The following PXT1 variants were observed in gnomAD, a reference collection of about 807,000 sequenced individuals.
The protein encoded by PXT1 is peroxisomal testis enriched protein 1.
PXT1 carries 11 observed loss-of-function variants against 11.0 expected under a neutral mutation model. The ratio of observed to expected loss-of-function variants is 1.00; its 90% CI spans 0.63 to 1.66. The LOEUF is 1.66. Ranked by LOEUF, PXT1 falls within the 40% of genes most tolerant of loss-of-function variation. The pLI, the probability that PXT1 is intolerant of heterozygous loss-of-function variation, is 0.00. For synonymous variants in PXT1, 43 were observed against 51.4 expected (o/e 0.84, Z 0.70); for missense variants, 141 against 155.5 (o/e 0.91, Z 0.49).
intron 3 of PXT1, among the ~76,000 whole-genome samples, chr6:36,415,895 C>T (rs561890291): frequency 2.0e-5 from 3 of 152,146 alleles, no homozygotes; most frequent in African/African-American, 7.2e-5. Context: ...AGATATGATG[C>T]TCATTTAAGG....
chr6:36,433,716 T>C, intron 2 of PXT1, among the ~76,000 whole-genome samples: 1 of 150,018 alleles, frequency 6.7e-6, no homozygotes, highest in East Asian at 2.0e-4. Flanking sequence ...TCTCAGCTTC[T>C]CGGGAGGCTG....
chr6:36,402,009 G>C (rs4713971), intron 3 of PXT1, among the ~76,000 whole-genome samples: 121,118 of 150,516 alleles, frequency 0.8, 48,974 homozygotes, highest in African/African-American at 0.86. Flanking sequence ...CAGGGTCTTT[G>C]TTTGTTTCCC....
chr6:36,424,377 C>T (rs1295574561), intron 3 of PXT1, among the ~76,000 whole-genome samples: 1 of 152,230 alleles, frequency 6.6e-6, no homozygotes, highest in Non-Finnish European at 1.5e-5. Context: ...CGCGGTGGCT[C>T]ACGCCTGTAA....
chr6:36,439,796 C>T (rs548318918), intron 1 of PXT1, among the ~76,000 whole-genome samples: 1 of 152,242 alleles, frequency 6.6e-6, no homozygotes, highest in African/African-American at 2.4e-5. Flanking sequence ...ACAGGAATAA[C>T]AAGAGATAAA....
At chr6:36,403,607 C>T (rs907798984) in intron 3 of PXT1, among the ~76,000 whole-genome samples, 2 of 152,176 alleles carry the variant, frequency 1.3e-5, no homozygotes, top group Non-Finnish European at 2.9e-5. Context: ...GGCATGATGG[C>T]TCACACCTGT....
intron 3 of PXT1, among the ~76,000 whole-genome samples, chr6:36,404,142 C>T (rs1774254090): frequency 6.6e-6 from 1 of 151,998 alleles, no homozygotes; most frequent in East Asian, 1.9e-4. Flanking sequence ...AAAAAGGGAA[C>T]CAGGAAAATG....
At chr6:36,419,078 A>G (rs1378348899) in intron 3 of PXT1, among the ~76,000 whole-genome samples, 7 of 152,198 alleles carry the variant, frequency 4.6e-5, no homozygotes, top group Non-Finnish European at 1.5e-5. Context: ...TGAGATCCTC[A>G]CTTCAAACCA....
At chr6:36,400,083 T>A (rs1014384849) in intron 4 of PXT1, among the ~76,000 whole-genome samples, 1 of 152,222 alleles carries the variant, frequency 6.6e-6, no homozygotes, top group Non-Finnish European at 1.5e-5. Flanking sequence ...GCATCCAGTT[T>A]TGAGGGTGTG....
At chr6:36,405,158 G>C (rs1774270597) in intron 3 of PXT1, among the ~76,000 whole-genome samples, 1 of 152,006 alleles carries the variant, frequency 6.6e-6, no homozygotes, top group Non-Finnish European at 1.5e-5. Flanking sequence ...TAATATATGT[G>C]TTTGTGTCTC....
chr6:36,417,054 ATAACT>A (rs1774458972), intron 3 of PXT1, among the ~76,000 whole-genome samples: 1 of 152,222 alleles, frequency 6.6e-6, no homozygotes, highest in Non-Finnish European at 1.5e-5. Flanking sequence ...AAGTATTAAA[ATAACT>A]TAACGGCCGG....
intron 3 of PXT1, among the ~76,000 whole-genome samples, chr6:36,409,824 T>TGGAA (rs201849950): frequency 0.27 from 26,386 of 97,400 alleles, 3,822 homozygotes; most frequent in Admixed American, 0.39. Flanking sequence ...AGACCCTGTC[T>TGGAA]GGAAGGAAGG....
chr6:36,424,379 C>T lies in PXT1; in HGVS notation c.169+1535G>A, dbSNP rs371052076. Reference sequence around the variant, plus strand: ...GATTCAGGCGGAGCGCGGTGGCTCACGCCTGTAATCCCAGCACTTTGGGAG... The same window carrying T: ...GATTCAGGCGGAGCGCGGTGGCTCATGCCTGTAATCCCAGCACTTTGGGAG... On this transcript the variant is annotated intron_variant, in intron 3 of 4. Transcript: ENST00000454782. 2.6e-3 allele frequency among the ~76,000 whole-genome samples: 399 copies of T among 152,342 alleles called. 1 individual carries two copies. Among genetic ancestry groups the T allele is most frequent in the Non-Finnish European group, 4.2e-3 (285 of 68,034 alleles).
chr6:36,425,806 AT>A (rs1316312399), intron 3 of PXT1, 107 bp downstream of exon 3: 275 of 284,154 alleles, frequency 9.7e-4, no homozygotes, highest in African/African-American at 1.4e-3. Flanking sequence ...AAAACAAAAA[AT>A]ATATATATAT....
Position 36,439,902 on chromosome 6 carries a change from A to AC in PXT1, c.-129-1017dup, listed in dbSNP as rs1774830578. Among the ~76,000 whole-genome samples, 13 of 152,274 alleles carry AC rather than the reference A, an allele frequency of 8.5e-5. No homozygotes were observed. In the South Asian group the frequency reaches 2.7e-3, roughly 32 times the overall value. On this transcript the variant is annotated intron_variant, in intron 1 of 4. Transcript: ENST00000454782. ...TCCTGACTCCCCACAGGATTCTGAG[A>AC]CCAGCCTGGGCAATATAGTGAGACT... is the stretch of plus-strand genomic sequence containing the variant.
intron 3 of PXT1, among the ~76,000 whole-genome samples, chr6:36,403,210 G>A (rs1237834405): frequency 1.3e-5 from 2 of 152,196 alleles, no homozygotes; most frequent in African/African-American, 4.8e-5. Flanking sequence ...CAAGTTTGAG[G>A]ATTGATGGTT....
chr6:36,428,416 G>GAAAAAAAAAAACA (rs58930146), intron 2 of PXT1, among the ~76,000 whole-genome samples: 1 of 136,714 alleles, frequency 7.3e-6, no homozygotes. Context: ...GAGCGAGACT[G>GAAAAAAAAAAACA]AAAAAAAAGA....
chr6:36,402,257 G>GTT (rs1398808850), intron 3 of PXT1, among the ~76,000 whole-genome samples: 2 of 152,130 alleles, frequency 1.3e-5, no homozygotes, highest in African/African-American at 2.4e-5. Flanking sequence ...TACAGACAAG[G>GTT]TTTCTGTCCT....
chr6:36,409,913 G>A (rs1470836038), intron 3 of PXT1, among the ~76,000 whole-genome samples: 4 of 143,180 alleles, frequency 2.8e-5, no homozygotes, highest in Non-Finnish European at 4.5e-5. Flanking sequence ...AAGGAAGGAA[G>A]GGAGAAAGGA....
chr6:36,414,603 G>A (rs1334867211), intron 3 of PXT1, among the ~76,000 whole-genome samples: 1 of 152,152 alleles, frequency 6.6e-6, no homozygotes, highest in African/African-American at 2.4e-5. Flanking sequence ...AGTCATTCCA[G>A]GACAGAGTCT....
Sources: allele counts gnomAD v4.1 joint callset (sites outside exome capture counted in the v4.1 genomes callset), GRCh38; gene constraint gnomAD v4.1.1; transcripts MANE v1.5; gene names NCBI Gene and HGNC (gene_info 2026-07-23, HGNC 2026-07-21).